Variants in TEX2 observed in about 807,000 individuals in gnomAD.
The protein encoded by TEX2 is testis-expressed protein 2.
A neutral mutation model predicts 106.9 loss-of-function variants in TEX2; 53 were observed. The ratio of observed to expected loss-of-function variants is 0.50; its 90% CI spans 0.40 to 0.62. The LOEUF (loss-of-function observed/expected upper bound fraction) is 0.62, where lower values mean the gene tolerates loss of function less well. Among genes scored for constraint, TEX2 ranks in the 20% least tolerant of loss-of-function variants. TEX2 has a pLI of 0.00. For synonymous variants in TEX2, 523 were observed against 534.8 expected, an observed-to-expected ratio of 0.98 and a Z score of 0.30; for missense variants, 1,207 against 1,379.0, an observed-to-expected ratio of 0.88 and a Z score of 1.98.
intron 1 of TEX2, among the ~76,000 whole-genome samples, chr17:64,238,260 T>C (rs1280654017): frequency 2.6e-5 from 4 of 152,072 alleles, no homozygotes; most frequent in South Asian, 2.1e-4. Flanking sequence ...GATTGTGCCA[T>C]TGCACTCCAG....
intron 1 of TEX2, among the ~76,000 whole-genome samples, chr17:64,240,272 TTTG>T (rs1397683080): frequency 9.3e-5 from 14 of 149,996 alleles, no homozygotes; most frequent in African/African-American, 3.5e-4. Flanking sequence ...TGTAAAGCTC[TTTG>T]TTAATAAATG....
chr17:64,220,130 G>C (rs1318707616), intron 1 of TEX2, among the ~76,000 whole-genome samples: 2 of 152,188 alleles, frequency 1.3e-5, no homozygotes, highest in Admixed American at 1.3e-4. Flanking sequence ...TCATTTATCT[G>C]ATAAGGGGTT....
At chr17:64,170,092 C>T (rs1315726304) in intron 7 of TEX2, among the ~76,000 whole-genome samples, 1 of 152,182 alleles carries the variant, frequency 6.6e-6, no homozygotes, top group East Asian at 1.9e-4. Flanking sequence ...CTTACATCAT[C>T]ATCATCATCA....
chr17:64,182,923 T>A (rs77406133), intron 5 of TEX2, among the ~76,000 whole-genome samples: 11,680 of 150,954 alleles, frequency 0.077, 567 homozygotes, highest in Non-Finnish European at 0.11. Flanking sequence ...TTTTTTTTTT[T>A]AAAACAGAGT....
intron 1 of TEX2, among the ~76,000 whole-genome samples, chr17:64,224,978 T>C (rs578214262): frequency 1.3e-4 from 20 of 151,932 alleles, no homozygotes; most frequent in African/African-American, 4.1e-4. Context: ...AGACAACACA[T>C]AGACATCAGA....
intron 1 of TEX2, among the ~76,000 whole-genome samples, chr17:64,253,208 A>C (rs1461310566): frequency 6.6e-6 from 1 of 152,156 alleles, no homozygotes; most frequent in East Asian, 1.9e-4. Flanking sequence ...GTGTGATCAC[A>C]GATCACTGCA....
chr17:64,165,477 T>C (rs1452654736), intron 7 of TEX2, among the ~76,000 whole-genome samples: 1 of 152,206 alleles, frequency 6.6e-6, no homozygotes, highest in Admixed American at 6.5e-5. Context: ...TTTCTTCCCG[T>C]AGCACAGTCT....
chr17:64,187,131 A>G lies in TEX2; in HGVS notation c.2424+1037T>C, dbSNP rs536220584. 2.0e-5 allele frequency among the ~76,000 whole-genome samples: 3 copies of G among 152,302 alleles called. No homozygotes were observed. The East Asian group carries it at 5.8e-4, about 29-fold the overall frequency. On this transcript the variant is annotated intron_variant, in intron 5 of 11. Coordinates refer to ENST00000584379, the MANE Select transcript of TEX2 (RefSeq NM_001288732.2). ...CAGGACTGTTCAAGAGAGCAGAGTA[A>G]TTCTATTAAAGTGCCTAACAGAGCC...
At chr17:64,197,268 A>G (rs2032505158) in intron 2 of TEX2, among the ~76,000 whole-genome samples, 1 of 152,060 alleles carries the variant, frequency 6.6e-6, no homozygotes, top group South Asian at 2.1e-4. Flanking sequence ...TCCTTGCAGA[A>G]AGGTCCCAAA....
At chr17:64,232,860 C>T (rs1390614006) in intron 1 of TEX2, among the ~76,000 whole-genome samples, 5 of 152,204 alleles carry the variant, frequency 3.3e-5, no homozygotes, top group African/African-American at 7.2e-5. Context: ...GTCCCTGGTT[C>T]CCATGGGTTC....
chr17:64,241,065 C>T (rs2033878987), intron 1 of TEX2, among the ~76,000 whole-genome samples: 1 of 152,240 alleles, frequency 6.6e-6, no homozygotes, highest in Admixed American at 6.5e-5. Flanking sequence ...TGTGCCCAGG[C>T]TCCTGTGTCT....
At chr17:64,250,534 T>G (rs1312046212) in intron 1 of TEX2, among the ~76,000 whole-genome samples, 2 of 152,202 alleles carry the variant, frequency 1.3e-5, no homozygotes, top group African/African-American at 4.8e-5. Context: ...CATGGTCCAC[T>G]TGTAATAGAC....
chr17:64,150,765 G>A, intron 11 of TEX2, 76 bp downstream of exon 11: 1 of 1,498,418 alleles, frequency 6.7e-7, no homozygotes. Flanking sequence ...TCCTGACCCA[G>A]CTGAAGTTCA....
At position 64,213,959 on chromosome 17, in the gene TEX2, CG is replaced by C; in HGVS notation, c.258del (p.Gly87AlafsTer28). 1 of 1,614,150 alleles carries C rather than the reference CG, an allele frequency of 6.2e-7. No homozygotes were observed. Among genetic ancestry groups the C allele is most frequent in the Non-Finnish European group, 8.5e-7 (1 of 1,180,022 alleles). ...GCCAGGACAGGCGAGGCAGCAGGGC[CG>C]GCGGGGTCATGGCCAACTTGGGGTT... ...YLEPQVGHDP[A>X]GPAASPVLAD... On this transcript the variant is annotated frameshift_variant, in exon 2 of 12. Coordinates refer to ENST00000584379, the MANE Select transcript of TEX2 (RefSeq NM_001288732.2). LOFTEE classifies it high-confidence loss of function. This position sits in a 1 kb window ranked among gnomAD's most constrained non-coding sequence, Gnocchi z 4.4.
chr17:64,231,571 T>G (rs2033659385), intron 1 of TEX2, among the ~76,000 whole-genome samples: 1 of 152,224 alleles, frequency 6.6e-6, no homozygotes, highest in Admixed American at 6.5e-5. Flanking sequence ...GTTTCAGTAT[T>G]AAGCTTCTGT....
At chr17:64,237,716 T>C (rs1453105204) in intron 1 of TEX2, among the ~76,000 whole-genome samples, 1 of 152,128 alleles carries the variant, frequency 6.6e-6, no homozygotes, top group Non-Finnish European at 1.5e-5. Flanking sequence ...CAGGCTCCCA[T>C]TCACCAAGTC....
Position 64,153,030 on chromosome 17 carries a change from T to C in TEX2, c.3055A>G (p.Thr1019Ala). 6 of 1,614,202 alleles carry C rather than the reference T, an allele frequency of 3.7e-6. No homozygotes were observed. The highest frequency in any genetic ancestry group is 5.1e-6 in the Non-Finnish European group (6 of 1,180,046). Reference sequence around the variant, plus strand: ...ACTTCAACAGTGAGCAGCAGGGGTGTGTTGGAGACTTCTTCGATCTTCTTT... The same window carrying C: ...ACTTCAACAGTGAGCAGCAGGGGTGCGTTGGAGACTTCTTCGATCTTCTTT... ...IKKKIEEVSN[T>A]PLLLTVEVQE... The change falls in exon 10 of 12, where the codon ACA becomes GCA. Residue 1019 changes from threonine to alanine, a missense_variant. Thr to Ala is a moderately conservative substitution (Grantham distance 58, BLOSUM62 0). Coordinates refer to ENST00000584379, the MANE Select transcript of TEX2 (RefSeq NM_001288732.2). The surrounding 1 kb of genome is among the most constrained non-coding windows in gnomAD (Gnocchi z 4.1).
chr17:64,178,682 T>C (rs1486160959), intron 5 of TEX2, among the ~76,000 whole-genome samples: 2 of 152,214 alleles, frequency 1.3e-5, no homozygotes, highest in Non-Finnish European at 2.9e-5. Flanking sequence ...TGAAAAGATT[T>C]AGAAATGCAG....
chr17:64,163,691 T>C (rs1341943645), intron 7 of TEX2, among the ~76,000 whole-genome samples: 3 of 152,180 alleles, frequency 2.0e-5, no homozygotes, highest in South Asian at 4.1e-4. Context: ...AGGAGGCCCC[T>C]GCCTTGCAAG....
Sources: gnomAD v4.1 joint callset for allele counts (sites outside exome capture counted in the v4.1 genomes callset) on GRCh38, gnomAD v4.1.1 for gene constraint, Gnocchi (gnomAD v3.1) non-coding constraint, MANE v1.5 for transcripts, NCBI Gene and HGNC (gene_info 2026-07-23, HGNC 2026-07-21) for gene names.